The following CROCC2 variants were observed in gnomAD, a reference collection of about 807,000 sequenced individuals.
The protein encoded by CROCC2 is ciliary rootlet coiled-coil protein 2.
A neutral mutation model predicts 177.6 loss-of-function variants in CROCC2; 163 were observed. That is an observed-to-expected ratio of 0.92 (90% CI 0.81 to 1.05). The LOEUF (loss-of-function observed/expected upper bound fraction) is 1.05, where lower values mean the gene tolerates loss of function less well. CROCC2 is among the 50% of genes least tolerant of loss of function. The pLI is 0.00. For synonymous variants in CROCC2, 904 were observed against 787.3 expected (o/e 1.15, Z -2.48); for missense variants, 1,929 against 1,797.8 (o/e 1.07, Z -1.32).
rs2059736041 is a variant in CROCC2 at position 240,973,403 on chromosome 2, A to G, written c.4401+5141A>G. Among the ~76,000 whole-genome samples the G allele has an allele frequency of 6.6e-6, 1 of 151,940 alleles. No homozygotes were observed. The highest frequency in any genetic ancestry group is 2.4e-5 in the African/African-American group (1 of 41,382). On this transcript the variant is annotated intron_variant, in intron 27 of 31. Coordinates refer to ENST00000690015, the MANE Select transcript of CROCC2 (RefSeq NM_001351305.2). The surrounding 1 kb of genome is among the most constrained non-coding windows in gnomAD (Gnocchi z 4.7). ...GCCTGGCACTCACTCAGCATCACCC[A>G]CAGCCTCATGCCCGCTCAGAAAGGC...
intron 14 of CROCC2, among the ~76,000 whole-genome samples, chr2:240,942,852 T>G (rs1017768216): frequency 6.6e-6 from 1 of 152,200 alleles, no homozygotes; most frequent in African/African-American, 2.4e-5. Flanking sequence ...TTTCTTTTTA[T>G]TTATTGTCTT....
At chr2:240,968,108 G>A in intron 26 of CROCC2, 21 bp from the exon 27 acceptor site, 1 of 1,417,382 alleles carries the variant, frequency 7.1e-7, no homozygotes, top group Non-Finnish European at 9.2e-7. Flanking sequence ...GGCCCCTCAA[G>A]CCACCCTGCT....
Position 240,982,981 on chromosome 2 carries a change from G to A in CROCC2, c.4503G>A (p.Leu1501=). 6.4e-7 allele frequency: 1 copy of A among 1,550,506 alleles called. No individual in the cohort carries two copies. The highest frequency in any genetic ancestry group is 1.2e-5 in the South Asian group (1 of 84,046). ...GKLLEEQLTN[L]EHRCQKAEVS... Reference sequence around the variant, plus strand: ...TGCTGGAAGAACAGCTCACCAACTTGGAGCACAGGTGCCAGAAGGCTGAGG... The same window carrying A: ...TGCTGGAAGAACAGCTCACCAACTTAGAGCACAGGTGCCAGAAGGCTGAGG... Residue 1501 remains leucine, a synonymous_variant, in exon 28 of 32, where the codon TTG becomes TTA. Transcript: ENST00000690015. The surrounding 1 kb of genome is among the most constrained non-coding windows in gnomAD (Gnocchi z 4.7).
At chr2:240,931,802 C>T (rs898864542) in intron 7 of CROCC2, among the ~76,000 whole-genome samples, 1 of 152,256 alleles carries the variant, frequency 6.6e-6, no homozygotes, top group African/African-American at 2.4e-5. Flanking sequence ...AAACACACCA[C>T]AACCCAGCCC....
chr2:240,909,882 C>A (rs1260858272), intron 1 of CROCC2, among the ~76,000 whole-genome samples: 2 of 152,186 alleles, frequency 1.3e-5, no homozygotes, highest in Non-Finnish European at 2.9e-5. Flanking sequence ...ACTCCACCCT[C>A]CAGCTATAGC....
Position 240,933,838 on chromosome 2 carries a change from G to A in CROCC2, c.1632G>A (p.Arg544=). The A allele has an allele frequency of 4.5e-6, 7 of 1,546,426 alleles. No homozygotes were observed. The highest frequency in any genetic ancestry group is 6.1e-6 in the Non-Finnish European group (7 of 1,145,546). ...ELALRRERSC[R]ALETSQGRLQ... ...CTCTGCGGAGGGAGCGGAGCTGCAG[G>A]GCACTGGAGACCAGGTGCGCGGCCG... is the stretch of plus-strand genomic sequence containing the variant. Residue 544 remains arginine (R), a synonymous_variant, in exon 11 of 32, where the codon AGG becomes AGA. Transcript: ENST00000690015.
At chr2:240,990,675 T>C (rs2059872176) in intron 30 of CROCC2, among the ~76,000 whole-genome samples, 1 of 152,144 alleles carries the variant, frequency 6.6e-6, no homozygotes, top group Admixed American at 6.5e-5. Context: ...CTCCACCTGC[T>C]GGGTTCAAGC....
At chr2:240,938,924 C>A (rs1468612465) in intron 14 of CROCC2, among the ~76,000 whole-genome samples, 1 of 151,954 alleles carries the variant, frequency 6.6e-6, no homozygotes, top group Non-Finnish European at 1.5e-5. Flanking sequence ...CTTATAAGTA[C>A]TAAGGTTGTA....
At chr2:240,955,733 A>G (rs1257443364) in intron 18 of CROCC2, 126 bp from the exon 19 acceptor site, 1 of 638,492 alleles carries the variant, frequency 1.6e-6, no homozygotes, top group Non-Finnish European at 2.7e-6. Flanking sequence ...AGACAGGAAC[A>G]TGAACGTGCT....
chr2:240,993,009 G>A (rs1418638509), intron 31 of CROCC2, 57 bp from the exon 32 acceptor site: 5 of 711,466 alleles, frequency 7.0e-6, no homozygotes, highest in African/African-American at 5.3e-5. Context: ...GGCAGCAGGA[G>A]CCCCCATGTG....
At chr2:240,990,942 C>T (rs919645841) in intron 30 of CROCC2, among the ~76,000 whole-genome samples, 20 of 152,236 alleles carry the variant, frequency 1.3e-4, no homozygotes, top group Admixed American at 9.2e-4. Context: ...CAAGGGTGCG[C>T]GGTGGCCATA....
In CROCC2 at chr2:240,960,339, C is replaced by A. The variant is rs759243528; in HGVS notation, c.3087+895C>A. Among the ~76,000 whole-genome samples the A allele has an allele frequency of 4.0e-5, 6 of 150,634 alleles. No individual in the cohort carries two copies. The East Asian group carries it at 9.9e-4, about 25-fold the overall frequency. On this transcript the variant is annotated intron_variant, in intron 20 of 31. Coordinates refer to ENST00000690015, the MANE Select transcript of CROCC2 (RefSeq NM_001351305.2). The surrounding 1 kb of genome is among the most constrained non-coding windows in gnomAD (Gnocchi z 5.0). ...TGGAGATTTCGGGGTGTGCCTGGGC[C>A]TGGCCAAGGGCCCGAGGTTGACACG...
rs908540995 is a variant in CROCC2, at chr2:240,933,218, G to C, written c.1339G>C (p.Ala447Pro). 3.9e-6 allele frequency: 6 copies of C among 1,549,816 alleles called. No individual in the cohort carries two copies. The highest frequency in any genetic ancestry group is 5.2e-6 in the Non-Finnish European group (6 of 1,146,852). ...CGAAAGCCGGCGGGAGCTGTGGGCC[G>C]CACAGAAGCTCCAGCAGGAGCGGGC... Reference protein sequence around the residue: ...LSESRRELWAAQKLQQERARE... With the variant: ...LSESRRELWAPQKLQQERARE... Residue 447 changes from alanine (A) to proline (P), a missense_variant, in exon 10 of 32, where the codon GCA becomes CCA. This residue lies in a region of CROCC2 where 1,397 missense variants were observed against 1,239.9 expected (regional missense o/e 1.13). Transcript: ENST00000690015.
rs975266521 is a variant in CROCC2, at chr2:240,993,292, T to G, written c.*211T>G. 41 of 549,858 alleles carry G rather than the reference T, an allele frequency of 7.5e-5. No individual in the cohort carries two copies. Among genetic ancestry groups the G allele is most frequent in the Non-Finnish European group, 1.2e-4 (38 of 305,052 alleles). The allele number at this position is 549,858 out of a possible 1,614,324, so 34.1% of individuals were successfully genotyped here. ...GGGGCCTCCGAATTTTGAATTTTAA[T>G]AAATAGTTGAATCAGCGTAGGAGAT... On this transcript the variant is annotated 3_prime_UTR_variant, in exon 32 of 32. Coordinates refer to ENST00000690015, the MANE Select transcript of CROCC2 (RefSeq NM_001351305.2).
At chr2:240,988,927 G>C in intron 29 of CROCC2, 57 bp downstream of exon 29, 1 of 1,336,738 alleles carries the variant, frequency 7.5e-7, no homozygotes, top group Non-Finnish European at 9.7e-7. Context: ...ACCTGGGGTG[G>C]GATCCAGGAG....
rs1188763628 is a variant in CROCC2 at position 240,965,826 on chromosome 2, C to A, written c.3794C>A (p.Ala1265Asp). 9.6e-6 allele frequency: 14 copies of A among 1,456,934 alleles called. No homozygotes were observed. The highest frequency in any genetic ancestry group is 1.4e-5 in the African/African-American group (1 of 69,896). 90.3% of individuals were successfully genotyped at this position (1,456,934 alleles called of 1,614,324 possible). Residue 1265 changes from alanine to aspartate, a missense_variant, in exon 24 of 32, where the codon GCC becomes GAC. By Grantham distance (126) the Ala-to-Asp change is moderately radical (BLOSUM62 -2). Around this residue, in one of 3 missense-constraint regions of CROCC2, gnomAD observed 144 missense variants for 205.2 expected, o/e 0.70. Coordinates refer to ENST00000690015, the MANE Select transcript of CROCC2 (RefSeq NM_001351305.2). Reference sequence around the variant, plus strand: ...GCTCTCCAGGCTCGCCTGGACCAGGCCTGTCACCGAATCCACAGCCTGGAG... The same window carrying A: ...GCTCTCCAGGCTCGCCTGGACCAGGACTGTCACCGAATCCACAGCCTGGAG... ...ADALQARLDQ[A>D]CHRIHSLEQE...
At chr2:240,920,228 C>A (rs1374012514) in intron 3 of CROCC2, 94 bp downstream of exon 3, 14 of 585,734 alleles carry the variant, frequency 2.4e-5, no homozygotes, top group Admixed American at 1.2e-4. Flanking sequence ...GAGCCTGGGA[C>A]CATCGGCAAT....
intron 10 of CROCC2, 130 bp downstream of exon 10, chr2:240,933,472 G>A: frequency 8.7e-7 from 1 of 1,150,174 alleles, no homozygotes; most frequent in East Asian, 2.6e-5. Flanking sequence ...TTGCCTTCTA[G>A]CAGAGTTGTG....
At chr2:240,914,978 C>A (rs1011418513) in intron 1 of CROCC2, among the ~76,000 whole-genome samples, 1 of 152,242 alleles carries the variant, frequency 6.6e-6, no homozygotes, top group African/African-American at 2.4e-5. Context: ...AGAGCGTGGC[C>A]TCCAGATAAA....
Sources: allele counts gnomAD v4.1 joint callset (sites outside exome capture counted in the v4.1 genomes callset), GRCh38; gene constraint gnomAD v4.1.1; regional missense constraint gnomAD v4.1.1; non-coding constraint Gnocchi (gnomAD v3.1); transcripts MANE v1.5; gene names NCBI Gene and HGNC (gene_info 2026-07-23, HGNC 2026-07-21).